PEF1: variants seen among roughly 807,000 people sequenced by gnomAD.
PEF1 encodes the protein penta-EF-hand domain containing 1, also known as peflin.
Under a neutral mutation model 32.0 loss-of-function variants are expected in PEF1, and 17 were observed. The observed-to-expected ratio is 0.53, with a 90% CI of 0.36 to 0.80. The LOEUF is 0.80. Ranked by LOEUF, PEF1 falls within the 30% of genes least tolerant of loss-of-function variation. The pLI is 0.00. For synonymous variants in PEF1, 130 were observed against 139.8 expected (o/e 0.93, Z 0.50); for missense variants, 362 against 369.1 (o/e 0.98, Z 0.16).
At chr1:31,641,368 C>T (rs543052124) in intron 1 of PEF1, among the ~76,000 whole-genome samples, 1 of 152,328 alleles carries the variant, frequency 6.6e-6, no homozygotes, top group African/African-American at 2.4e-5. Flanking sequence ...CTGCTTCAAT[C>T]CATTCTCACA....
intron 4 of PEF1, among the ~76,000 whole-genome samples, chr1:31,631,351 AT>A (rs1167786900): frequency 6.6e-6 from 1 of 152,232 alleles, no homozygotes; most frequent in Non-Finnish European, 1.5e-5. Flanking sequence ...ACGGGTGATC[AT>A]GTAAAGCACT....
rs1640236294 is a variant in PEF1, at chr1:31,635,616, C to T, written c.25-94G>A. ...ACCATAAAGCACTTCCACCACCATCCTTTCAACTGATCCTATAGGTAGGGT... is the reference window on the plus strand; with the variant it reads ...ACCATAAAGCACTTCCACCACCATCTTTTCAACTGATCCTATAGGTAGGGT... On this transcript the variant is annotated intron_variant, in intron 1 of 4. Transcript: ENST00000373703. 8 of 1,208,118 alleles carry T rather than the reference C, an allele frequency of 6.6e-6. No individual in the cohort carries two copies. The East Asian group carries it at 2.2e-4, about 33-fold the overall frequency. The allele number at this position is 1,208,118 out of a possible 1,614,324, so 74.8% of individuals were successfully genotyped here.
intron 1 of PEF1, chr1:31,644,623 TC>T (rs1185026086): frequency 6.9e-7 from 1 of 1,444,610 alleles, no homozygotes; most frequent in African/African-American, 1.4e-5. Context: ...GTGAGCGACG[TC>T]AAGGGGGCGC....
chr1:31,631,510 C>G (rs1557583724), intron 4 of PEF1, among the ~76,000 whole-genome samples: 1 of 152,090 alleles, frequency 6.6e-6, no homozygotes, highest in Non-Finnish European at 1.5e-5. Flanking sequence ...CAGGCTAAAA[C>G]CTCAGCTCTC....
Position 31,632,569 on chromosome 1 carries a change from T to C in PEF1, c.551A>G (p.Gln184Arg), listed in dbSNP as rs778246626. The change falls in exon 4 of 5, where the codon CAG (glutamine) becomes CGG (arginine). Residue 184 changes from glutamine (Q) to arginine (R), a missense_variant. By Grantham distance (43) the Gln-to-Arg change is conservative. Transcript: ENST00000373703. ...CTGCTGGAAGAGGTTCTTCCACTGC[T>C]GGATGAATTTCCACAGGGCTGAGAA... ...YGFSALWKFI[Q>R]QWKNLFQQYD... 3.1e-6 allele frequency: 5 copies of C among 1,614,130 alleles called. No individual in the cohort carries two copies. The highest frequency in any genetic ancestry group is 1.7e-5 in the Admixed American group (1 of 60,012).
intron 1 of PEF1, among the ~76,000 whole-genome samples, chr1:31,636,529 C>T (rs1382166906): frequency 6.6e-6 from 1 of 152,136 alleles, no homozygotes; most frequent in Non-Finnish European, 1.5e-5. Context: ...AGTTCAGGTT[C>T]TGCCATTTAC....
chr1:31,644,717 G>T, intron 1 of PEF1, 124 bp downstream of exon 1: 1 of 1,563,142 alleles, frequency 6.4e-7, no homozygotes. Flanking sequence ...TACAGCGCAA[G>T]GCCTCGCTGA....
chr1:31,644,642 C>T, intron 1 of PEF1, 199 bp downstream of exon 1: 1 of 1,444,402 alleles, frequency 6.9e-7, no homozygotes. Flanking sequence ...CGCGACACGA[C>T]CTCGCGAATG....
At chr1:31,636,756 C>A (rs1640263687) in intron 1 of PEF1, among the ~76,000 whole-genome samples, 3 of 152,202 alleles carry the variant, frequency 2.0e-5, no homozygotes, top group Admixed American at 2.0e-4. Context: ...CACACACAGG[C>A]TGTGTGGAGG....
chr1:31,636,876 C>T (rs1014012775), intron 1 of PEF1, among the ~76,000 whole-genome samples: 1 of 152,182 alleles, frequency 6.6e-6, no homozygotes, highest in South Asian at 2.1e-4. Context: ...CAGTAGCCCT[C>T]GGAGTGTTCC....
intron 2 of PEF1, 101 bp from the exon 3 acceptor site, chr1:31,633,415 A>G (rs908221325): frequency 3.2e-6 from 4 of 1,261,722 alleles, no homozygotes; most frequent in Admixed American, 2.8e-5. Flanking sequence ...AGCTTCACAA[A>G]TTCACCTTCC....
chr1:31,640,837 C>T lies in PEF1; in HGVS notation c.24+4004G>A, dbSNP rs796906026. On this transcript the variant is annotated intron_variant, in intron 1 of 4. Coordinates refer to ENST00000373703, the MANE Select transcript of PEF1 (RefSeq NM_012392.4). ...CCCCTGTGAAGCTTAAAGGTATCAA[C>T]GGCTGTTCCAAGCTGAGCCCTGATG... 9.2e-5 allele frequency among the ~76,000 whole-genome samples: 14 copies of T among 152,116 alleles called. 1 individual carries two copies. The highest frequency in any genetic ancestry group is 3.1e-4 in the African/African-American group (13 of 41,476).
intron 2 of PEF1, 75 bp downstream of exon 2, chr1:31,635,147 C>T: frequency 6.4e-7 from 1 of 1,559,254 alleles, no homozygotes; most frequent in Non-Finnish European, 8.7e-7. Flanking sequence ...TGCACACCCA[C>T]AGGAAGGACA....
intron 1 of PEF1, among the ~76,000 whole-genome samples, chr1:31,636,014 C>A (rs538331975): frequency 1.6e-4 from 25 of 152,330 alleles, no homozygotes; most frequent in African/African-American, 6.0e-4. Flanking sequence ...ATAGCTATAG[C>A]ATGGATTCAT....
intron 1 of PEF1, among the ~76,000 whole-genome samples, chr1:31,640,210 T>C (rs924637673): frequency 1.3e-5 from 2 of 152,166 alleles, no homozygotes; most frequent in African/African-American, 4.8e-5. Flanking sequence ...CTCTGCTAGG[T>C]GCTTCCAGTT....
chr1:31,641,723 T>C (rs1640395088), intron 1 of PEF1, among the ~76,000 whole-genome samples: 1 of 152,214 alleles, frequency 6.6e-6, no homozygotes, highest in African/African-American at 2.4e-5. Flanking sequence ...AATGCACCCC[T>C]AGACTGAGTT....
In PEF1 at chr1:31,630,756, T is replaced by C. The variant is rs549808725; in HGVS notation, c.712A>G (p.Met238Val). 1.7e-5 allele frequency: 28 copies of C among 1,614,096 alleles called. No homozygotes were observed. In the South Asian group the frequency reaches 3.0e-4, roughly 17 times the overall value. Residue 238 changes from methionine to valine, a missense_variant, in exon 5 of 5, where the codon ATG becomes GTG. Physicochemically the swap from Met to Val is conservative, Grantham distance 21. Transcript: ENST00000373703. ...ACCTGGATGAAGCGGTCAAGCTGCATGGCAGGATTGGCAGAGCGTGGGCAG... is the reference window on the plus strand; with the variant it reads ...ACCTGGATGAAGCGGTCAAGCTGCACGGCAGGATTGGCAGAGCGTGGGCAG... ...RYCPRSANPAMQLDRFIQVCT... is the reference protein window; with the variant it reads ...RYCPRSANPAVQLDRFIQVCT...
At chr1:31,640,441 G>A (rs1640365231) in intron 1 of PEF1, among the ~76,000 whole-genome samples, 2 of 152,082 alleles carry the variant, frequency 1.3e-5, no homozygotes, top group Admixed American at 6.5e-5. Flanking sequence ...TCTGTGTGAG[G>A]GACTGTGCTA....
chr1:31,632,081 T>A (rs1640120482), intron 4 of PEF1, among the ~76,000 whole-genome samples: 1 of 152,178 alleles, frequency 6.6e-6, no homozygotes, highest in African/African-American at 2.4e-5. Context: ...AAAGAAACTG[T>A]CCACTAGCAG....
Sources: allele counts gnomAD v4.1 joint callset (sites outside exome capture counted in the v4.1 genomes callset), GRCh38; gene constraint gnomAD v4.1.1; transcripts MANE v1.5; gene names NCBI Gene and HGNC (gene_info 2026-07-23, HGNC 2026-07-21).